The following FRYL variants were observed in gnomAD, a reference collection of about 807,000 sequenced individuals.
FRYL encodes the protein protein furry homolog-like.
Under a neutral mutation model 351.2 loss-of-function variants are expected in FRYL, and 150 were observed. The observed-to-expected ratio is 0.43, with a 90% CI of 0.37 to 0.49. The LOEUF is 0.49. Among genes scored for constraint, FRYL ranks in the 20% least tolerant of loss-of-function variants. The pLI, the probability that FRYL is intolerant of heterozygous loss-of-function variation, is 0.00. For missense variants in FRYL, 3,036 were observed against 3,619.3 expected (o/e 0.84, Z 4.13); for synonymous variants, 1,153 against 1,257.1 (o/e 0.92, Z 1.75).
chr4:48,761,859 C>T (rs1189791084), intron 1 of FRYL, among the ~76,000 whole-genome samples: 1 of 152,142 alleles, frequency 6.6e-6, no homozygotes, highest in Non-Finnish European at 1.5e-5. Context: ...CTATGATGTT[C>T]GCACAATGAC....
chr4:48,666,588 C>T (rs551162912), intron 3 of FRYL, among the ~76,000 whole-genome samples: 2 of 152,040 alleles, frequency 1.3e-5, no homozygotes, highest in East Asian at 1.9e-4. Context: ...ATTCCTTAAA[C>T]CCCCACTCTA....
rs890125154 is a variant in FRYL, at chr4:48,563,990, G to A, written c.3554C>T (p.Ala1185Val). 4 of 1,613,990 alleles carry A rather than the reference G, an allele frequency of 2.5e-6. No homozygotes were observed. Among genetic ancestry groups the A allele is most frequent in the South Asian group, 1.1e-5 (1 of 91,076 alleles). Residue 1185 changes from alanine to valine, a missense_variant, in exon 31 of 64, where the codon GCG becomes GTG. Physicochemically the swap from Ala to Val is moderately conservative, Grantham distance 64 (BLOSUM62 0). Coordinates refer to ENST00000358350, the MANE Select transcript of FRYL (RefSeq NM_015030.2). ...AGCAATGGCTTTAAAGCAGCCGGCC[G>A]CCACCCTCCCGGAGCCCGTGTAGCA... ...DRCYTGSGRV[A>V]AGCFKAIANV...
chr4:48,636,528 AACTTT>A (rs1754267782), intron 3 of FRYL, among the ~76,000 whole-genome samples: 1 of 151,954 alleles, frequency 6.6e-6, no homozygotes, highest in African/African-American at 2.4e-5. Context: ...CAAAGAAAAA[AACTTT>A]ACTTAAAATG....
chr4:48,770,984 T>C (rs1775454763), intron 1 of FRYL, among the ~76,000 whole-genome samples: 2 of 152,202 alleles, frequency 1.3e-5, no homozygotes, highest in Admixed American at 1.3e-4. Flanking sequence ...AGTTCTTTTT[T>C]TGTTTGTTTT....
intron 3 of FRYL, among the ~76,000 whole-genome samples, chr4:48,639,659 G>C (rs776596): frequency 0.95 from 144,055 of 152,076 alleles, 68,343 homozygotes; most frequent in South Asian, 0.98. Context: ...CCATGATCCA[G>C]GGAAAAAAAT....
chr4:48,605,984 G>T lies in FRYL; in HGVS notation c.742-151C>A, dbSNP rs542630490. 13 of 563,256 alleles carry T rather than the reference G, an allele frequency of 2.3e-5. No homozygotes were observed. In the East Asian group the frequency reaches 3.9e-4, roughly 17 times the overall value. The allele number at this position is 563,256 out of a possible 1,614,324, so 34.9% of individuals were successfully genotyped here. ...TCAAAAAACAAAGCTGGCTGGGTGC[G>T]GTGGCTCACACCTGTAATCCCACCA... On this transcript the variant is annotated intron_variant, in intron 10 of 63. Transcript: ENST00000358350.
chr4:48,597,086 T>C (rs184583999), intron 13 of FRYL, among the ~76,000 whole-genome samples: 1 of 152,268 alleles, frequency 6.6e-6, no homozygotes, highest in African/African-American at 2.4e-5. Flanking sequence ...CCCAGCAATT[T>C]CCAATTATGT....
chr4:48,524,447 A>G (rs1245256349), intron 53 of FRYL, among the ~76,000 whole-genome samples: 1 of 152,142 alleles, frequency 6.6e-6, no homozygotes, highest in Admixed American at 6.5e-5. Flanking sequence ...ACAGCACTCA[A>G]TATATATTTG....
At chr4:48,744,401 CATT>C (rs1772439469) in intron 1 of FRYL, among the ~76,000 whole-genome samples, 3 of 152,130 alleles carry the variant, frequency 2.0e-5, no homozygotes, top group South Asian at 4.2e-4. Flanking sequence ...AACTAACAGG[CATT>C]ATAAATGACA....
At position 48,506,614 on chromosome 4, in the gene FRYL, TAATA is replaced by T. The variant is rs1260429183; in HGVS notation, c.8395-1003_8395-1000del. The stretch of plus-strand genomic sequence containing the variant: ...AAATTATACTATTAAACAATACAAC[TAATA>T]TATATATATATATATATATATATAT... On this transcript the variant is annotated intron_variant, in intron 59 of 63. Coordinates refer to ENST00000358350, the MANE Select transcript of FRYL (RefSeq NM_015030.2). 196 of 77,972 alleles carry T rather than the reference TAATA, an allele frequency of 2.5e-3. 6 individuals are homozygous for T. Among genetic ancestry groups the T allele is most frequent in the South Asian group, 0.018 (35 of 1,954 alleles). The allele number at this position is 77,972 out of a possible 1,614,324, so 4.8% of individuals were successfully genotyped here. A position where few individuals can be genotyped will look rare whatever the true frequency, so the allele number is the denominator to read the frequency against.
intron 49 of FRYL, among the ~76,000 whole-genome samples, chr4:48,532,684 A>G (rs1379009485): frequency 6.6e-6 from 1 of 152,202 alleles, no homozygotes; most frequent in Non-Finnish European, 1.5e-5. Flanking sequence ...AAAAAAGTTT[A>G]TATTTAACAA....
chr4:48,737,851 G>T (rs1257606737), intron 1 of FRYL, among the ~76,000 whole-genome samples: 2 of 152,098 alleles, frequency 1.3e-5, no homozygotes, highest in Non-Finnish European at 2.9e-5. Context: ...ACAGGAACAG[G>T]CTAATAAGTC....
intron 48 of FRYL, 150 bp downstream of exon 48, chr4:48,535,507 G>C (rs1022201499): frequency 1.2e-5 from 5 of 404,742 alleles, no homozygotes; most frequent in South Asian, 1.3e-4. Context: ...GTTAATACCA[G>C]TGCTGCTTCT....
intron 2 of FRYL, among the ~76,000 whole-genome samples, chr4:48,707,252 T>C (rs967624192): frequency 1.3e-5 from 2 of 152,248 alleles, no homozygotes; most frequent in African/African-American, 4.8e-5. Context: ...GTGCAAATTC[T>C]ATTTCTGAGT....
In FRYL at chr4:48,547,143, T is replaced by C. The variant is rs186893423; in HGVS notation, c.5074+441A>G. 1.9e-3 allele frequency among the ~76,000 whole-genome samples: 289 copies of C among 152,306 alleles called. 1 individual carries two copies. The highest frequency in any genetic ancestry group is 3.1e-3 in the Non-Finnish European group (210 of 68,012). On this transcript the variant is annotated intron_variant, in intron 41 of 63. Transcript: ENST00000358350. The stretch of plus-strand genomic sequence containing the variant: ...TTAACATTGACAGTGAAATAAACCA[T>C]ATTAAGTCTCATTAACTTGGACTTC...
rs1578217675 is a variant in FRYL, at chr4:48,582,884, T to C, written c.1749-150A>G. On this transcript the variant is annotated intron_variant, in intron 19 of 63. Transcript: ENST00000358350. ...GCAACCAATGATCACTTTTTCATGC[T>C]ATATTCAACTTTATGCTAGTTTATA... The C allele has an allele frequency of 6.3e-6, 4 of 634,616 alleles. No individual in the cohort carries two copies. In the East Asian group the frequency reaches 1.1e-4, roughly 17 times the overall value. The allele number at this position is 634,616 out of a possible 1,614,324, so 39.3% of individuals were successfully genotyped here.
At chr4:48,577,494 C>CA (rs1298247415) in intron 23 of FRYL, among the ~76,000 whole-genome samples, 2 of 151,942 alleles carry the variant, frequency 1.3e-5, no homozygotes, top group South Asian at 2.1e-4. Flanking sequence ...AAAAAACTGT[C>CA]AAAAAAATCA....
intron 3 of FRYL, chr4:48,646,026 A>G (rs1756395536): frequency 6.6e-6 from 1 of 152,204 alleles, no homozygotes; most frequent in Non-Finnish European, 1.5e-5. Flanking sequence ...CCCTATAATA[A>G]AATTTACTCA....
In FRYL at chr4:48,580,873, C is replaced by T. The variant is rs772863723; in HGVS notation, c.2251G>A (p.Ala751Thr). The change falls in exon 22 of 64, where the codon GCT becomes ACT. Residue 751 changes from alanine to threonine, a missense_variant. By Grantham distance (58) the Ala-to-Thr change is moderately conservative (BLOSUM62 0). Coordinates refer to ENST00000358350, the MANE Select transcript of FRYL (RefSeq NM_015030.2). ...ILESFIHLTG[A>T]DQTTLLYCPS... ...GAAGTCACTATAGTTACCTGATCAGCCCCAGTGAGATGTATGAAGCTCTCA... is the reference window on the plus strand; with the variant it reads ...GAAGTCACTATAGTTACCTGATCAGTCCCAGTGAGATGTATGAAGCTCTCA... 6.2e-7 allele frequency: 1 copy of T among 1,606,600 alleles called. No individual in the cohort carries two copies. The highest frequency in any genetic ancestry group is 8.5e-7 in the Non-Finnish European group (1 of 1,174,000).
Sources: gnomAD v4.1 joint callset for allele counts (sites outside exome capture counted in the v4.1 genomes callset) on GRCh38, gnomAD v4.1.1 for gene constraint, MANE v1.5 for transcripts, NCBI Gene and HGNC (gene_info 2026-07-23, HGNC 2026-07-21) for gene names.